Variants in SMS observed in about 807,000 individuals in gnomAD.
The protein encoded by SMS is spermidine aminopropyltransferase.
Under a neutral mutation model 33.0 loss-of-function variants are expected in SMS, and 3 were observed. The ratio of observed to expected loss-of-function variants is 0.09; its 90% confidence interval spans 0.04 to 0.23. SMS has a LOEUF of 0.23. SMS is among the 10% of genes least tolerant of loss of function. SMS has a pLI of 1.00. For synonymous variants in SMS, 103 were observed against 112.2 expected (o/e 0.92, Z 0.52); for missense variants, 117 against 288.6 (o/e 0.41, Z 4.31).
At chrX:21,943,385 C>T (rs1267851759) in intron 1 of SMS, among the ~76,000 whole-genome samples, 1 of 111,435 alleles carries the variant, frequency 9.0e-6, no homozygotes, top group Non-Finnish European at 1.9e-5. Context: ...ATGGATGTAT[C>T]GTGTGGGAGG....
At chrX:21,942,023 C>T (rs1473086115) in intron 1 of SMS, among the ~76,000 whole-genome samples, 1 of 102,923 alleles carries the variant, frequency 9.7e-6, no homozygotes, top group Non-Finnish European at 2.0e-5. Context: ...GTGCCTCTGT[C>T]GTGGGGGGTG....
intron 2 of SMS, among the ~76,000 whole-genome samples, chrX:21,969,681 G>A (rs188858815): frequency 7.1e-4 from 80 of 112,534 alleles, no homozygotes; most frequent in African/African-American, 2.5e-3. Flanking sequence ...TCTACCATAG[G>A]CACCAATTCC....
At chrX:21,964,644 T>C (rs1923575647) in intron 1 of SMS, among the ~76,000 whole-genome samples, 1 of 111,356 alleles carries the variant, frequency 9.0e-6, no homozygotes, top group Non-Finnish European at 1.9e-5. Flanking sequence ...CCTATACCTG[T>C]TTGGGGATTT....
At chrX:21,963,551 C>T (rs897252273) in intron 1 of SMS, among the ~76,000 whole-genome samples, 2 of 112,317 alleles carry the variant, frequency 1.8e-5, no homozygotes, top group African/African-American at 6.5e-5. Flanking sequence ...GGAGGACTTT[C>T]TTTAGCCCAC....
chrX:21,979,328 A>C (rs1485710891), intron 7 of SMS, among the ~76,000 whole-genome samples: 1 of 109,805 alleles, frequency 9.1e-6, no homozygotes, highest in Non-Finnish European at 1.9e-5. Context: ...TGCGTTAGGT[A>C]TTTCTCCTAA....
chrX:21,975,784 T>C (rs1019685031), intron 4 of SMS, among the ~76,000 whole-genome samples: 2 of 110,781 alleles, frequency 1.8e-5, no homozygotes, highest in African/African-American at 6.6e-5. Context: ...CGGTGTTCTT[T>C]ATAGATGTTA....
At chrX:21,978,809 C>T in intron 6 of SMS, 68 bp from the exon 7 acceptor site, 1 of 760,211 alleles carries the variant, frequency 1.3e-6, no homozygotes, top group African/African-American at 2.0e-5. Context: ...TGTCTTAATC[C>T]TTTCTTTAAA....
intron 1 of SMS, among the ~76,000 whole-genome samples, chrX:21,954,363 A>G (rs1360203686): frequency 8.9e-6 from 1 of 112,037 alleles, no homozygotes; most frequent in African/African-American, 3.2e-5. Flanking sequence ...CTTTACAGAA[A>G]AAGCTTGCCC....
At chrX:21,976,943 G>A (rs1441511995) in intron 4 of SMS, 118 bp from the exon 5 acceptor site, 8 of 674,776 alleles carry the variant, frequency 1.2e-5, no homozygotes, top group East Asian at 3.2e-5. Flanking sequence ...CTTTGGATTC[G>A]TTTTGTGCTT....
intron 2 of SMS, among the ~76,000 whole-genome samples, chrX:21,969,573 G>C (rs1923978284): frequency 9.0e-6 from 1 of 111,421 alleles, no homozygotes; most frequent in African/African-American, 3.3e-5. Context: ...CCGGTGGCAG[G>C]CTCCTCAGCC....
chrX:21,943,102 C>T (rs887770929), intron 1 of SMS, among the ~76,000 whole-genome samples: 19 of 111,555 alleles, frequency 1.7e-4, no homozygotes, highest in African/African-American at 5.5e-4. Flanking sequence ...CTGCCTCAGC[C>T]TCCCAAAGGG....
intron 7 of SMS, among the ~76,000 whole-genome samples, chrX:21,983,990 T>A (rs1215150694): frequency 8.9e-6 from 1 of 112,497 alleles, no homozygotes; most frequent in Non-Finnish European, 1.9e-5. Context: ...GTAATAGGTA[T>A]ACTTCGTGGA....
At position 21,940,775 on chromosome X, in the gene SMS, C is replaced by T. The variant is rs1215976046; in HGVS notation, c.-50C>T. Reference sequence around the variant, plus strand: ...CAGCCTGACACGCCGCGCGGCCCCCCAGTCTCCCGCGGCTGCTCCCCCAGG... The same window carrying T: ...CAGCCTGACACGCCGCGCGGCCCCCTAGTCTCCCGCGGCTGCTCCCCCAGG... On this transcript the variant is annotated 5_prime_UTR_variant, in exon 1 of 11. Transcript: ENST00000404933. 392 of 1,013,860 alleles carry T rather than the reference C, an allele frequency of 3.9e-4. No individual in the cohort carries two copies. Among genetic ancestry groups the T allele is most frequent in the Middle Eastern group, 3.0e-3 (8 of 2,668 alleles). The allele number at this position is 1,013,860 out of a possible 1,213,427, so 83.6% of individuals were successfully genotyped here. A position where few individuals can be genotyped will look rare whatever the true frequency, so the allele number is the denominator to read the frequency against.
At chrX:21,984,253 T>A (rs1490490071) in intron 7 of SMS, 51 bp from the exon 8 acceptor site, 2 of 782,454 alleles carry the variant, frequency 2.6e-6, no homozygotes, top group African/African-American at 2.0e-5. Context: ...GTTTTTTGTT[T>A]AACTACATCC....
chrX:21,973,769 A>C (rs966100647), intron 4 of SMS, among the ~76,000 whole-genome samples: 1 of 113,427 alleles, frequency 8.8e-6, no homozygotes, highest in Non-Finnish European at 1.9e-5. Context: ...TTCCTTAGTC[A>C]CAATAGCTAG....
intron 1 of SMS, among the ~76,000 whole-genome samples, chrX:21,944,293 A>G (rs1602176724): frequency 9.0e-6 from 1 of 111,610 alleles, no homozygotes. Flanking sequence ...TGAGGCTAAC[A>G]GGAATAAACT....
intron 1 of SMS, among the ~76,000 whole-genome samples, chrX:21,950,839 T>C (rs1031298972): frequency 1.8e-5 from 2 of 112,214 alleles, no homozygotes; most frequent in Non-Finnish European, 3.8e-5. Flanking sequence ...CTTTATCCAG[T>C]CTATCATAGA....
intron 4 of SMS, among the ~76,000 whole-genome samples, chrX:21,972,916 CA>C (rs981181175): frequency 0.17 from 6,725 of 39,525 alleles, 409 homozygotes; most frequent in African/African-American, 0.35. Context: ...GAGACTGTCT[CA>C]AAAAAAAAAA....
intron 9 of SMS, among the ~76,000 whole-genome samples, chrX:21,990,295 G>A (rs1175201629): frequency 8.9e-6 from 1 of 112,184 alleles, no homozygotes. Flanking sequence ...GCAAGACCCT[G>A]TCTCTGAAAA....
Sources: gnomAD v4.1 joint callset for allele counts (sites outside exome capture counted in the v4.1 genomes callset) on GRCh38, gnomAD v4.1.1 for gene constraint, MANE v1.5 for transcripts, NCBI Gene and HGNC (gene_info 2026-07-23, HGNC 2026-07-21) for gene names.